IST1: variants seen among roughly 807,000 people sequenced by gnomAD.
The protein encoded by IST1 is IST1 homolog.
A neutral mutation model predicts 37.0 loss-of-function variants in IST1; 23 were observed. The observed-to-expected ratio is 0.62, with a 90% CI of 0.45 to 0.88. The LOEUF (loss-of-function observed/expected upper bound fraction) is 0.88. Among genes scored for constraint, IST1 ranks in the 40% least tolerant of loss-of-function variants. The pLI is 0.00. For missense variants in IST1, 488 were observed against 445.4 expected (o/e 1.10, Z -0.86); for synonymous variants, 180 against 161.7 (o/e 1.11, Z -0.86).
At chr16:71,918,478 A>C (rs1393633133) in intron 4 of IST1, among the ~76,000 whole-genome samples, 2 of 144,786 alleles carry the variant, frequency 1.4e-5, no homozygotes, top group African/African-American at 5.2e-5. Context: ...GTGCAGTGGT[A>C]CAATTTTGGC....
At chr16:71,921,510 A>G in intron 6 of IST1, 57 bp downstream of exon 6, 2 of 901,852 alleles carry the variant, frequency 2.2e-6, no homozygotes, top group South Asian at 1.4e-5. Context: ...CCTTCTTTGG[A>G]AAACAAAAAA....
Position 71,904,710 on chromosome 16 carries a change from C to T in IST1, c.-16+9121C>T, listed in dbSNP as rs1650379756. ...GGCATGAGCCACCATACCTGGCCTC[C>T]AACTTTCTTTTGATTAGTGTTTGCA... On this transcript the variant is annotated intron_variant, in intron 1 of 9. Transcript: ENST00000378799. Among the ~76,000 whole-genome samples, 3 of 152,260 alleles carry T rather than the reference C, an allele frequency of 2.0e-5. No individual in the cohort carries two copies. In the South Asian group the frequency reaches 6.2e-4, roughly 32 times the overall value.
At chr16:71,924,866 G>A in intron 9 of IST1, 49 bp downstream of exon 9, 2 of 1,292,618 alleles carry the variant, frequency 1.5e-6, no homozygotes, top group Non-Finnish European at 2.3e-6. Context: ...TGAACCCTCT[G>A]CTGTTTTCTC....
intron 2 of IST1, among the ~76,000 whole-genome samples, chr16:71,916,146 T>C (rs924879237): frequency 1.3e-5 from 2 of 152,188 alleles, no homozygotes; most frequent in African/African-American, 2.4e-5. Context: ...ATCATATCTT[T>C]TAAGCTTTGG....
At chr16:71,922,452 T>C (rs199618728) in intron 6 of IST1, 22 bp from the exon 7 acceptor site, 2 of 1,606,096 alleles carry the variant, frequency 1.2e-6, no homozygotes, top group East Asian at 2.2e-5. Flanking sequence ...GTTAATGACC[T>C]GGGTTTCTCT....
intron 1 of IST1, among the ~76,000 whole-genome samples, chr16:71,898,385 A>AG (rs1378857453): frequency 5.3e-4 from 78 of 146,752 alleles, no homozygotes; most frequent in Non-Finnish European, 1.0e-3. Flanking sequence ...AAAAAAAAAA[A>AG]AAAGAAACTC....
At chr16:71,898,940 G>A (rs2037040008) in intron 1 of IST1, among the ~76,000 whole-genome samples, 1 of 146,996 alleles carries the variant, frequency 6.8e-6, no homozygotes, top group African/African-American at 2.5e-5. Context: ...ACTCCAGCCT[G>A]GGCAGCAGAG....
chr16:71,927,290 GAGTTCA>G (rs1430317402), intron 9 of IST1, among the ~76,000 whole-genome samples: 1 of 151,928 alleles, frequency 6.6e-6, no homozygotes, highest in East Asian at 1.9e-4. Context: ...CTTGAGATCA[GAGTTCA>G]AGGCCAACCT....
chr16:71,914,067 C>G (rs1274800925), intron 1 of IST1, among the ~76,000 whole-genome samples: 2 of 151,946 alleles, frequency 1.3e-5, no homozygotes, highest in African/African-American at 4.8e-5. Context: ...CTAGGCCTCC[C>G]AAAGTGCTGG....
At chr16:71,895,215 T>TGAGGCCGTGGGCGCAGA (rs576686015), upstream of IST1, 1 of 179,920 alleles carries the variant, frequency 5.6e-6, no homozygotes, top group Non-Finnish European at 1.2e-5. Flanking sequence ...CTGGGCGCGG[T>TGAGGCCGTGGGCGCAGA]GAGGCCGTGG....
In IST1 at chr16:71,927,823, AC is replaced by A. The variant is rs759961031; in HGVS notation, c.*12del. ...GAAAAAGAAAACATAGGTCTCTTAAACCAGGCAACTTTCACGTTTTGGGAGT... is the reference window on the plus strand; with the variant it reads ...GAAAAAGAAAACATAGGTCTCTTAAACAGGCAACTTTCACGTTTTGGGAGT... On this transcript the variant is annotated 3_prime_UTR_variant, in exon 10 of 10. Coordinates refer to ENST00000378799, the MANE Select transcript of IST1 (RefSeq NM_001270975.2). 326 of 1,606,590 alleles carry A rather than the reference AC, an allele frequency of 2.0e-4. No homozygotes were observed. The Middle Eastern group carries it at 2.5e-3, about 12-fold the overall frequency.
intron 1 of IST1, among the ~76,000 whole-genome samples, chr16:71,904,523 C>T (rs2037178048): frequency 6.6e-6 from 1 of 152,156 alleles, no homozygotes; most frequent in South Asian, 2.1e-4. Flanking sequence ...AGCAGTTCTC[C>T]CACTTCAGTC....
chr16:71,909,090 T>TC (rs2037293230), intron 1 of IST1, among the ~76,000 whole-genome samples: 1 of 138,678 alleles, frequency 7.2e-6, no homozygotes, highest in African/African-American at 2.8e-5. Context: ...TCAAATTTTG[T>TC]TTGTCTTTTT....
intron 3 of IST1, 57 bp downstream of exon 3, chr16:71,916,699 T>C (rs2037474845): frequency 4.2e-6 from 6 of 1,442,290 alleles, no homozygotes; most frequent in Non-Finnish European, 5.8e-6. Context: ...AAAGGAGTAA[T>C]ATGATCTCTT....
rs1365097654 is a variant in IST1, at chr16:71,915,694, C to T, written c.54C>T (p.Val18=). The T allele has an allele frequency of 3.1e-6, 5 of 1,613,182 alleles. No individual in the cohort carries two copies. Among genetic ancestry groups the T allele is most frequent in the Non-Finnish European group, 4.2e-6 (5 of 1,179,422 alleles). The change falls in exon 2 of 10, where the codon GTC becomes GTT. Residue 18 remains valine (V), a synonymous_variant. Coordinates refer to ENST00000378799, the MANE Select transcript of IST1 (RefSeq NM_001270975.2). ...AERLRVNLRL[V]INRLKLLEKK... ...GCTTAAGAGTGAATTTGAGATTAGT[C>T]ATAAATCGCCTTAAACTATTGGAGA...
intron 9 of IST1, among the ~76,000 whole-genome samples, chr16:71,925,798 T>C (rs1188677614): frequency 6.6e-6 from 1 of 151,996 alleles, no homozygotes. Flanking sequence ...AAAAAATTTT[T>C]AAAAAACCCA....
chr16:71,905,790 A>C (rs1403776688), intron 1 of IST1, among the ~76,000 whole-genome samples: 1 of 152,096 alleles, frequency 6.6e-6, no homozygotes, highest in Non-Finnish European at 1.5e-5. Context: ...TTTATCCCAT[A>C]ATGTTTTGGT....
rs926710563 is a variant in IST1 at position 71,929,825 on chromosome 16, T to C, written c.*2012T>C. ...ATTTGCAGTCAGGCATTGGAGTGTTTCCACTAATGGTTGCGAGCCAACTAT... is the reference window on the plus strand; with the variant it reads ...ATTTGCAGTCAGGCATTGGAGTGTTCCCACTAATGGTTGCGAGCCAACTAT... On this transcript the variant is annotated 3_prime_UTR_variant, in exon 10 of 10. Coordinates refer to ENST00000378799, the MANE Select transcript of IST1 (RefSeq NM_001270975.2). 4.1e-6 allele frequency: 4 copies of C among 970,424 alleles called. No individual in the cohort carries two copies. Among genetic ancestry groups the C allele is most frequent in the Admixed American group, 3.0e-5 (1 of 33,722 alleles). 60.1% of individuals were successfully genotyped at this position (970,424 alleles called of 1,614,324 possible).
chr16:71,911,669 G>A (rs2037357167), intron 1 of IST1, among the ~76,000 whole-genome samples: 1 of 149,956 alleles, frequency 6.7e-6, no homozygotes, highest in Non-Finnish European at 1.5e-5. Context: ...CTGTATACAT[G>A]TGAATGTGAA....
Sources: allele counts gnomAD v4.1 joint callset (sites outside exome capture counted in the v4.1 genomes callset), GRCh38; gene constraint gnomAD v4.1.1; transcripts MANE v1.5; gene names NCBI Gene and HGNC (gene_info 2026-07-23, HGNC 2026-07-21).